Variants in ADGRL3 observed in about 807,000 individuals in gnomAD.
The protein encoded by ADGRL3 is calcium-independent alpha-latrotoxin receptor 3.
ADGRL3 carries 62 observed loss-of-function variants against 153.5 expected under a neutral mutation model. The ratio of observed to expected loss-of-function variants is 0.40; its 90% confidence interval spans 0.33 to 0.50. ADGRL3 has a LOEUF of 0.50. Ranked by LOEUF, ADGRL3 falls within the 20% of genes least tolerant of loss-of-function variation. ADGRL3 has a pLI of 0.47. For missense variants in ADGRL3, 1,641 were observed against 1,859.4 expected (o/e 0.88, Z 2.16); for synonymous variants, 710 against 672.5 (o/e 1.06, Z -0.86).
At chr4:61,757,193 T>A (rs546060411) in intron 8 of ADGRL3, among the ~76,000 whole-genome samples, 3 of 152,312 alleles carry the variant, frequency 2.0e-5, no homozygotes, top group East Asian at 1.9e-4. Context: ...TCAGAAGGCA[T>A]GGTACCAGCT....
chr4:62,045,431 C>T (rs1283101729), intron 25 of ADGRL3, among the ~76,000 whole-genome samples: 9 of 151,794 alleles, frequency 5.9e-5, no homozygotes, highest in African/African-American at 1.9e-4. Context: ...TTTTTATGAT[C>T]GATATTATTA....
chr4:61,646,878 G>C (rs1218673945), intron 5 of ADGRL3, among the ~76,000 whole-genome samples: 2 of 152,202 alleles, frequency 1.3e-5, no homozygotes, highest in Non-Finnish European at 1.5e-5. Context: ...CCCCCAGCCT[G>C]GCTGCCGAAT....
intron 3 of ADGRL3, among the ~76,000 whole-genome samples, chr4:61,506,471 G>A (rs2098429875): frequency 6.6e-6 from 1 of 151,968 alleles, no homozygotes. Flanking sequence ...ATTATATTTA[G>A]GACTCGCCCA....
chr4:61,349,902 C>G (rs1176197398), intron 1 of ADGRL3, among the ~76,000 whole-genome samples: 1 of 152,100 alleles, frequency 6.6e-6, no homozygotes, highest in African/African-American at 2.4e-5. Flanking sequence ...ATACCTTGAT[C>G]TTATTTGGTT....
At chr4:61,714,103 T>A (rs2096058225) in intron 6 of ADGRL3, among the ~76,000 whole-genome samples, 1 of 152,054 alleles carries the variant, frequency 6.6e-6, no homozygotes, top group African/African-American at 2.4e-5. Flanking sequence ...CACTTTTCAC[T>A]CTCAGCTGCA....
chr4:61,825,600 A>T (rs1386455480), intron 9 of ADGRL3, among the ~76,000 whole-genome samples: 1 of 152,180 alleles, frequency 6.6e-6, no homozygotes, highest in Non-Finnish European at 1.5e-5. Flanking sequence ...ATGTAAAATA[A>T]TTTATTACAG....
chr4:61,477,741 T>C (rs374537393), intron 2 of ADGRL3, among the ~76,000 whole-genome samples: 1 of 152,132 alleles, frequency 6.6e-6, no homozygotes, highest in East Asian at 1.9e-4. Flanking sequence ...TTGGAGTCAG[T>C]ACATCCTGCC....
intron 9 of ADGRL3, among the ~76,000 whole-genome samples, chr4:61,873,690 C>T (rs2098458477): frequency 6.6e-6 from 1 of 152,118 alleles, no homozygotes; most frequent in South Asian, 2.1e-4. Context: ...TGCAGTAGCC[C>T]TCTCACTGAA....
rs2149850475 is a variant in ADGRL3 at position 61,912,805 on chromosome 4, T to C, written c.2112+48T>C. 4 of 1,544,940 alleles carry C rather than the reference T, an allele frequency of 2.6e-6. No homozygotes were observed. The African/African-American group carries it at 4.1e-5, about 16-fold the overall frequency. On this transcript the variant is annotated intron_variant, in intron 13 of 26. Transcript: ENST00000683033. ...TGTGTTAAGTTGTTGAATGTCTCTG[T>C]TGTGATGGCATGAATGGACACCTGA...
At chr4:61,781,037 G>A (rs542735338) in intron 8 of ADGRL3, among the ~76,000 whole-genome samples, 3 of 152,242 alleles carry the variant, frequency 2.0e-5, no homozygotes, top group African/African-American at 7.2e-5. Context: ...GCATGAAAAT[G>A]TTGTCTCAGC....
intron 8 of ADGRL3, among the ~76,000 whole-genome samples, chr4:61,770,459 A>G (rs1047986273): frequency 1.3e-5 from 2 of 152,234 alleles, no homozygotes; most frequent in Non-Finnish European, 2.9e-5. Context: ...GAAAGGATGT[A>G]TGGTTTCTCT....
At chr4:61,272,437 A>G (rs1447556620) in intron 1 of ADGRL3, among the ~76,000 whole-genome samples, 1 of 152,154 alleles carries the variant, frequency 6.6e-6, no homozygotes, top group Non-Finnish European at 1.5e-5. Context: ...CACTTCTTAT[A>G]TAAATCTAAT....
At chr4:61,949,350 A>G (rs894092172) in intron 17 of ADGRL3, among the ~76,000 whole-genome samples, 2 of 152,232 alleles carry the variant, frequency 1.3e-5, no homozygotes, top group Admixed American at 1.3e-4. Context: ...AACAAAAATA[A>G]TACTTTTTTT....
At chr4:61,693,237 T>C (rs1379310253) in intron 6 of ADGRL3, among the ~76,000 whole-genome samples, 4 of 152,124 alleles carry the variant, frequency 2.6e-5, no homozygotes. Context: ...AATTCACTAT[T>C]ATTACAATTA....
intron 19 of ADGRL3, among the ~76,000 whole-genome samples, chr4:61,994,943 C>T (rs1475371516): frequency 3.4e-5 from 5 of 149,146 alleles, no homozygotes; most frequent in African/African-American, 7.4e-5. Context: ...GACAGGGTCT[C>T]ACTCTGTCAC....
chr4:61,323,751 C>G (rs2095411611), intron 1 of ADGRL3, among the ~76,000 whole-genome samples: 1 of 152,192 alleles, frequency 6.6e-6, no homozygotes, highest in Non-Finnish European at 1.5e-5. Context: ...TGGTTCCAAA[C>G]TTTCCTACAT....
At chr4:61,565,537 T>C (rs1042337390) in intron 4 of ADGRL3, among the ~76,000 whole-genome samples, 8 of 145,606 alleles carry the variant, frequency 5.5e-5, no homozygotes, top group Non-Finnish European at 4.6e-5. Flanking sequence ...GGATTTGGGC[T>C]TTTTTTTTTT....
chr4:61,565,917 A>G (rs73822654), intron 4 of ADGRL3, among the ~76,000 whole-genome samples: 1 of 152,112 alleles, frequency 6.6e-6, no homozygotes, highest in Non-Finnish European at 1.5e-5. Flanking sequence ...TTGGGTTTTC[A>G]TAGATTACTA....
intron 1 of ADGRL3, among the ~76,000 whole-genome samples, chr4:61,224,800 C>T (rs533211546): frequency 6.6e-6 from 1 of 152,340 alleles, no homozygotes; most frequent in South Asian, 2.1e-4. Context: ...CAAGTGTCGG[C>T]AGACACCTTC....
Sources: gnomAD v4.1 joint callset for allele counts (sites outside exome capture counted in the v4.1 genomes callset) on GRCh38, gnomAD v4.1.1 for gene constraint, MANE v1.5 for transcripts, NCBI Gene and HGNC (gene_info 2026-07-23, HGNC 2026-07-21) for gene names.